Variants in FNDC3A observed in about 807,000 individuals in gnomAD.
FNDC3A encodes the protein fibronectin type III domain containing 3A, also known as fibronectin type-III domain-containing protein 3A.
In FNDC3A, 32 loss-of-function variants were observed where a neutral mutation model predicts 148.9. The observed-to-expected ratio is 0.21, with a 90% CI of 0.16 to 0.29. The LOEUF (loss-of-function observed/expected upper bound fraction) is 0.29. FNDC3A is among the 10% of genes least tolerant of loss of function. The pLI, the probability that FNDC3A is intolerant of heterozygous loss-of-function variation, is 1.00. For synonymous variants in FNDC3A, 472 were observed against 473.6 expected (o/e 1.00, Z 0.04); for missense variants, 1,191 against 1,452.8 (o/e 0.82, Z 2.93).
chr13:49,099,679 A>G (rs1593588162), intron 3 of FNDC3A, among the ~76,000 whole-genome samples: 1 of 152,306 alleles, frequency 6.6e-6, no homozygotes, highest in South Asian at 2.1e-4. Flanking sequence ...AACAAGGTCT[A>G]AATTTGGTGA....
intron 7 of FNDC3A, among the ~76,000 whole-genome samples, chr13:49,140,833 A>G (rs1269484001): frequency 6.6e-6 from 1 of 152,218 alleles, no homozygotes; most frequent in Non-Finnish European, 1.5e-5. Context: ...GAGAGCAGTC[A>G]GAGTGTGTAA....
chr13:49,149,216 G>A (rs1381950519), intron 8 of FNDC3A, among the ~76,000 whole-genome samples: 1 of 149,274 alleles, frequency 6.7e-6, no homozygotes, highest in Admixed American at 6.7e-5. Flanking sequence ...TTGGCTGGTT[G>A]CTCTGGCTAG....
intron 3 of FNDC3A, among the ~76,000 whole-genome samples, chr13:49,109,688 T>G (rs1272547113): frequency 6.6e-6 from 1 of 152,160 alleles, no homozygotes; most frequent in African/African-American, 2.4e-5. Flanking sequence ...AAGAATGCCA[T>G]CTACTGAGCA....
intron 3 of FNDC3A, among the ~76,000 whole-genome samples, chr13:49,093,526 A>G (rs1167525228): frequency 1.3e-5 from 2 of 152,172 alleles, no homozygotes; most frequent in Non-Finnish European, 2.9e-5. Context: ...TTCATTTTAT[A>G]TACGAAGAAA....
rs987180389 is a variant in FNDC3A, at chr13:49,022,958, T to C, written c.99+16669T>C. Among the ~76,000 whole-genome samples the C allele has an allele frequency of 2.6e-5, 4 of 152,118 alleles. No individual in the cohort carries two copies. The East Asian group carries it at 5.8e-4, about 22-fold the overall frequency. On this transcript the variant is annotated intron_variant, in intron 2 of 25. Coordinates refer to ENST00000492622, the MANE Select transcript of FNDC3A (RefSeq NM_001079673.2). ...GAAAATTTGCTTAGTTATCACATTT[T>C]TGTAAGCACACATTTTAAAAAATTT...
chr13:49,069,704 A>C (rs1877516505), intron 2 of FNDC3A, among the ~76,000 whole-genome samples: 1 of 152,222 alleles, frequency 6.6e-6, no homozygotes, highest in Non-Finnish European at 1.5e-5. Flanking sequence ...ATAGCATTTT[A>C]CTGCCCCTAT....
At chr13:49,013,448 A>ACG (rs1240669883) in intron 2 of FNDC3A, among the ~76,000 whole-genome samples, 11 of 151,970 alleles carry the variant, frequency 7.2e-5, no homozygotes, top group Non-Finnish European at 1.0e-4. Flanking sequence ...ACATATGTAT[A>ACG]CATGTACATG....
chr13:49,056,848 A>T (rs933964740), intron 2 of FNDC3A, among the ~76,000 whole-genome samples: 23 of 152,252 alleles, frequency 1.5e-4, no homozygotes, highest in African/African-American at 5.5e-4. Flanking sequence ...AGACATTTTT[A>T]AACATTTTAA....
chr13:49,179,188 T>A (rs1885182126), intron 14 of FNDC3A, among the ~76,000 whole-genome samples: 1 of 152,168 alleles, frequency 6.6e-6, no homozygotes, highest in South Asian at 2.1e-4. Flanking sequence ...GGCTCTTATT[T>A]GTGTAATGTG....
At chr13:49,021,854 T>A (rs745876055) in intron 2 of FNDC3A, among the ~76,000 whole-genome samples, 4 of 152,218 alleles carry the variant, frequency 2.6e-5, no homozygotes, top group Non-Finnish European at 5.9e-5. Flanking sequence ...GGGCCAGTTC[T>A]CTATGTAATA....
intron 13 of FNDC3A, among the ~76,000 whole-genome samples, chr13:49,175,908 G>C (rs1304805036): frequency 6.6e-6 from 1 of 152,106 alleles, no homozygotes; most frequent in Non-Finnish European, 1.5e-5. Context: ...TGGCATGAAG[G>C]GGTATTGAAT....
intron 4 of FNDC3A, among the ~76,000 whole-genome samples, chr13:49,128,642 G>A (rs1881848141): frequency 6.6e-6 from 1 of 152,110 alleles, no homozygotes; most frequent in South Asian, 2.1e-4. Context: ...AGTAAATGAT[G>A]AACTCCAACT....
At position 49,050,257 on chromosome 13, in the gene FNDC3A, A is replaced by G. The variant is rs149301242; in HGVS notation, c.100-25032A>G. Among the ~76,000 whole-genome samples, 18 of 152,172 alleles carry G rather than the reference A, an allele frequency of 1.2e-4. No individual in the cohort carries two copies. The East Asian group carries it at 2.1e-3, about 18-fold the overall frequency. On this transcript the variant is annotated intron_variant, in intron 2 of 25. Transcript: ENST00000492622. ...AGATTGTCTGTTTGTACTCTTTCAG[A>G]CTTTTTGATGTAGATATTTAATATG...
At chr13:49,012,918 C>T (rs1444537619) in intron 2 of FNDC3A, among the ~76,000 whole-genome samples, 1 of 151,494 alleles carries the variant, frequency 6.6e-6, no homozygotes, top group Non-Finnish European at 1.5e-5. Context: ...CCTTGCTATA[C>T]TCTTACTCAT....
At chr13:49,159,639 G>C (rs1883961634) in intron 8 of FNDC3A, among the ~76,000 whole-genome samples, 1 of 152,170 alleles carries the variant, frequency 6.6e-6, no homozygotes, top group Non-Finnish European at 1.5e-5. Flanking sequence ...GCCCTGGCCA[G>C]AACTTCCAAC....
chr13:49,032,150 A>G (rs1309853335), intron 2 of FNDC3A, among the ~76,000 whole-genome samples: 1 of 152,204 alleles, frequency 6.6e-6, no homozygotes, highest in African/African-American at 2.4e-5. Context: ...AGTGTTAGCA[A>G]CGATATGGAA....
intron 24 of FNDC3A, among the ~76,000 whole-genome samples, chr13:49,202,567 C>T (rs1886469562): frequency 6.6e-6 from 1 of 152,150 alleles, no homozygotes; most frequent in Non-Finnish European, 1.5e-5. Flanking sequence ...ACTTCTAGAA[C>T]CATATCCTAG....
Position 49,198,411 on chromosome 13 carries a change from A to G in FNDC3A, c.2824A>G (p.Met942Val), listed in dbSNP as rs887776314. The change falls in exon 23 of 26, where the codon ATG becomes GTG. Residue 942 changes from methionine (M) to valine (V), a missense_variant. This residue lies in a region of FNDC3A where 751 missense variants were observed against 944.0 expected (regional missense o/e 0.80). Coordinates refer to ENST00000492622, the MANE Select transcript of FNDC3A (RefSeq NM_001079673.2). Reference sequence around the variant, plus strand: ...CCTTGGAGCTGGTCCTTTCAGCCATATGATAAAATTAAAAACTAAGCCTCT... The same window carrying G: ...CCTTGGAGCTGGTCCTTTCAGCCATGTGATAAAATTAAAAACTAAGCCTCT... Reference protein sequence around the residue: ...NSLGAGPFSHMIKLKTKPLPP... With the variant: ...NSLGAGPFSHVIKLKTKPLPP... The G allele has an allele frequency of 1.9e-6, 3 of 1,614,198 alleles. No homozygotes were observed. Among genetic ancestry groups the G allele is most frequent in the Admixed American group, 1.7e-5 (1 of 60,028 alleles).
intron 3 of FNDC3A, among the ~76,000 whole-genome samples, chr13:49,107,611 G>A (rs1216843331): frequency 6.6e-6 from 1 of 152,180 alleles, no homozygotes; most frequent in African/African-American, 2.4e-5. Flanking sequence ...TTAGAAAAGT[G>A]TGTATGTAAT....
Sources: gnomAD v4.1 joint callset for allele counts (sites outside exome capture counted in the v4.1 genomes callset) on GRCh38, gnomAD v4.1.1 for gene constraint, gnomAD v4.1.1 regional missense constraint, MANE v1.5 for transcripts, NCBI Gene and HGNC (gene_info 2026-07-23, HGNC 2026-07-21) for gene names.